The following NPNT variants were observed in gnomAD, a reference collection of about 807,000 sequenced individuals.
The protein encoded by NPNT is preosteoblast EGF-like repeat protein with MAM domain.
Under a neutral mutation model 68.6 loss-of-function variants are expected in NPNT, and 45 were observed. The observed-to-expected ratio is 0.66, with a 90% CI of 0.52 to 0.84. The LOEUF (loss-of-function observed/expected upper bound fraction) is 0.84, where lower values mean the gene tolerates loss of function less well. Among genes scored for constraint, NPNT ranks in the 40% least tolerant of loss-of-function variants. The probability of loss-of-function intolerance (pLI) is 0.00; values close to 1 mark genes in which losing one functional copy is unlikely to be tolerated. For synonymous variants in NPNT, 233 were observed against 253.3 expected, an observed-to-expected ratio of 0.92 and a Z score of 0.76; for missense variants, 672 against 714.8, an observed-to-expected ratio of 0.94 and a Z score of 0.68.
At chr4:105,900,539 T>C (rs1489793597) in intron 2 of NPNT, among the ~76,000 whole-genome samples, 3 of 152,222 alleles carry the variant, frequency 2.0e-5, no homozygotes, top group African/African-American at 7.2e-5. Flanking sequence ...CATGGTCTTG[T>C]TTGGAGAAAC....
intron 2 of NPNT, among the ~76,000 whole-genome samples, chr4:105,908,323 C>A (rs113783441): frequency 0.011 from 1,703 of 152,030 alleles, 33 homozygotes; most frequent in African/African-American, 0.039. Context: ...TGATCAATAT[C>A]TTTTTAACCA....
intron 3 of NPNT, among the ~76,000 whole-genome samples, chr4:105,933,840 C>A: frequency 6.6e-6 from 1 of 152,146 alleles, no homozygotes; most frequent in East Asian, 1.9e-4. Flanking sequence ...CTGAATCCAC[C>A]AACCTACTGA....
chr4:105,938,336 G>A lies in NPNT; in HGVS notation c.421G>A (p.Gly141Ser). ...LTCSMANCQY[G>S]CDVVKGQIRC... The stretch of plus-strand genomic sequence containing the variant: ...CTGCTCCATGGCAAACTGTCAGTAT[G>A]GCTGTGATGTTGTTAAAGGACAAAT... Residue 141 changes from glycine (G) to serine (S), a missense_variant, in exon 5 of 12, where the codon GGC (glycine) becomes AGC (serine). Physicochemically the swap from Gly to Ser is moderately conservative, Grantham distance 56. Transcript: ENST00000379987. 1 of 1,613,756 alleles carries A rather than the reference G, an allele frequency of 6.2e-7. No individual in the cohort carries two copies. Among genetic ancestry groups the A allele is most frequent in the Non-Finnish European group, 8.5e-7 (1 of 1,179,790 alleles).
chr4:105,959,140 A>G lies in NPNT; in HGVS notation c.1345+14A>G. ...GGGACCCAGCAGGTAAAACCATTTC[A>G]TTTAACTTTTTCTGGTACACATTTC... On this transcript the variant is annotated intron_variant, in intron 10 of 11. Transcript: ENST00000379987. 1 of 1,559,952 alleles carries G rather than the reference A, an allele frequency of 6.4e-7. No individual in the cohort carries two copies. The highest frequency in any genetic ancestry group is 8.8e-7 in the Non-Finnish European group (1 of 1,130,878).
intron 10 of NPNT, among the ~76,000 whole-genome samples, chr4:105,963,819 A>G (rs550058103): frequency 8.8e-4 from 133 of 151,760 alleles, no homozygotes; most frequent in African/African-American, 3.0e-3. Flanking sequence ...ATTTTAAAAT[A>G]CACATAAATG....
chr4:105,957,428 G>T (rs1731326939), intron 8 of NPNT, among the ~76,000 whole-genome samples: 1 of 152,208 alleles, frequency 6.6e-6, no homozygotes, highest in Non-Finnish European at 1.5e-5. Context: ...ATGATTTAAA[G>T]AAATCAATTA....
At chr4:105,950,903 G>A (rs991656044) in intron 8 of NPNT, among the ~76,000 whole-genome samples, 5 of 152,210 alleles carry the variant, frequency 3.3e-5, no homozygotes, top group African/African-American at 4.8e-5. Context: ...GATTACAGGC[G>A]TGAGGCACTG....
intron 2 of NPNT, among the ~76,000 whole-genome samples, chr4:105,913,968 C>T (rs1578596223): frequency 6.6e-6 from 1 of 152,170 alleles, no homozygotes; most frequent in East Asian, 1.9e-4. Flanking sequence ...TATTTGAGAG[C>T]TTACTAGAGG....
chr4:105,898,292 C>T (rs1248407880), intron 2 of NPNT, among the ~76,000 whole-genome samples: 6 of 124,968 alleles, frequency 4.8e-5, no homozygotes, highest in African/African-American at 1.5e-4. Flanking sequence ...AGGTTTATTT[C>T]TCTCTCTCTC....
At chr4:105,907,520 G>A (rs577171161) in intron 2 of NPNT, among the ~76,000 whole-genome samples, 3 of 152,178 alleles carry the variant, frequency 2.0e-5, no homozygotes, top group East Asian at 1.9e-4. Flanking sequence ...TGCCAGGGCC[G>A]AGGTTTTCTG....
At chr4:105,953,661 A>G (rs1731000249) in intron 8 of NPNT, among the ~76,000 whole-genome samples, 1 of 152,204 alleles carries the variant, frequency 6.6e-6, no homozygotes, top group African/African-American at 2.4e-5. Context: ...ATTCATCCCT[A>G]CGCTCCAATC....
chr4:105,904,333 A>G (rs963194953), intron 2 of NPNT, among the ~76,000 whole-genome samples: 3 of 152,202 alleles, frequency 2.0e-5, no homozygotes, highest in African/African-American at 7.2e-5. Context: ...ATGACTTCTT[A>G]CTCAGTAGAG....
intron 11 of NPNT, among the ~76,000 whole-genome samples, chr4:105,968,099 G>A (rs1239990498): frequency 6.6e-6 from 1 of 152,150 alleles, no homozygotes; most frequent in Non-Finnish European, 1.5e-5. Context: ...TTGGGAAAAT[G>A]TCATCATTTT....
At chr4:105,962,060 T>A (rs1193688678) in intron 10 of NPNT, among the ~76,000 whole-genome samples, 1 of 152,146 alleles carries the variant, frequency 6.6e-6, no homozygotes, top group African/African-American at 2.4e-5. Flanking sequence ...TCACTAAGGG[T>A]AGAAGACTTT....
chr4:105,933,484 T>C (rs1022319294), intron 3 of NPNT, among the ~76,000 whole-genome samples: 1 of 152,212 alleles, frequency 6.6e-6, no homozygotes, highest in African/African-American at 2.4e-5. Context: ...TTGATGCATT[T>C]GTATATTTTC....
chr4:105,963,085 C>T (rs1731858942), intron 10 of NPNT, among the ~76,000 whole-genome samples: 1 of 151,920 alleles, frequency 6.6e-6, no homozygotes, highest in Non-Finnish European at 1.5e-5. Flanking sequence ...ATTAGCCAGG[C>T]GTGGTGGCAG....
chr4:105,955,506 C>T (rs1055285912), intron 8 of NPNT, among the ~76,000 whole-genome samples: 2 of 151,874 alleles, frequency 1.3e-5, no homozygotes, highest in Non-Finnish European at 2.9e-5. Flanking sequence ...ACAGAACCCT[C>T]TTTTATTTAG....
intron 2 of NPNT, among the ~76,000 whole-genome samples, chr4:105,924,266 C>T (rs1003111808): frequency 6.6e-6 from 1 of 152,150 alleles, no homozygotes; most frequent in Admixed American, 6.6e-5. Context: ...TCCCCTGCCA[C>T]ACTTGCCTAC....
intron 3 of NPNT, among the ~76,000 whole-genome samples, chr4:105,934,886 A>G (rs990298018): frequency 5.3e-5 from 8 of 152,270 alleles, no homozygotes; most frequent in Admixed American, 6.5e-5. Flanking sequence ...GCCATTCTCT[A>G]AAACCACCAG....
Sources: gnomAD v4.1 joint callset for allele counts (sites outside exome capture counted in the v4.1 genomes callset) on GRCh38, gnomAD v4.1.1 for gene constraint, MANE v1.5 for transcripts, NCBI Gene and HGNC (gene_info 2026-07-23, HGNC 2026-07-21) for gene names.